SLC9A6: variants seen among roughly 807,000 people sequenced by gnomAD.
The protein encoded by SLC9A6 is solute carrier family 9 member A6, also known as sodium/hydrogen exchanger 6.
SLC9A6 carries 6 observed loss-of-function variants against 45.3 expected under a neutral mutation model. The observed-to-expected ratio is 0.13, with a 90% CI of 0.07 to 0.26. The LOEUF (loss-of-function observed/expected upper bound fraction) is 0.26. Among genes scored for constraint, SLC9A6 ranks in the 10% least tolerant of loss-of-function variants. SLC9A6 has a pLI of 1.00. For missense variants in SLC9A6, 278 were observed against 503.7 expected, an observed-to-expected ratio of 0.55 and a Z score of 4.29; for synonymous variants, 191 against 187.7, an observed-to-expected ratio of 1.02 and a Z score of -0.14.
upstream of SLC9A6, among the ~76,000 whole-genome samples, chrX:135,982,408 G>T (rs1269012470): frequency 9.3e-6 from 1 of 107,813 alleles, no homozygotes; most frequent in African/African-American, 3.4e-5. Flanking sequence ...GGGTTGGGGG[G>T]GGCGGTGATT....
At chrX:135,979,328 C>T (rs1340316979) in intron 1 of SLC9A6, among the ~76,000 whole-genome samples, 2 of 111,282 alleles carry the variant, frequency 1.8e-5, no homozygotes, top group East Asian at 5.6e-4. Context: ...TCTTCTTTGG[C>T]GCTCCCACAG....
intron 7 of SLC9A6, among the ~76,000 whole-genome samples, chrX:136,003,042 G>T (rs2089606024): frequency 9.4e-6 from 1 of 106,882 alleles, no homozygotes; most frequent in Admixed American, 1.0e-4. Flanking sequence ...AGGCTGGAGT[G>T]CAATGGCACG....
chrX:136,006,376 A>G (rs1393082899), intron 7 of SLC9A6, among the ~76,000 whole-genome samples: 1 of 107,647 alleles, frequency 9.3e-6, no homozygotes, highest in Non-Finnish European at 1.9e-5. Context: ...ATAGGTAAAT[A>G]TGTGCCATGG....
chrX:135,989,773 A>T (rs2089400105), intron 2 of SLC9A6, among the ~76,000 whole-genome samples: 1 of 111,895 alleles, frequency 8.9e-6, no homozygotes, highest in Admixed American at 9.4e-5. Flanking sequence ...GGAGAATCAC[A>T]CATTAGTAGG....
chrX:136,026,356 G>T (rs1274214775), intron 13 of SLC9A6, among the ~76,000 whole-genome samples: 4 of 111,673 alleles, frequency 3.6e-5, no homozygotes, highest in Admixed American at 9.6e-5. Flanking sequence ...TAAAGCCTCG[G>T]TTTCCTCATC....
chrX:136,018,425 CT>C (rs1291362922), intron 11 of SLC9A6, among the ~76,000 whole-genome samples: 1 of 112,191 alleles, frequency 8.9e-6, no homozygotes, highest in East Asian at 2.8e-4. Flanking sequence ...AGATAGTTGG[CT>C]CCTTCCAGGT....
At chrX:136,024,237 C>G in intron 12 of SLC9A6, 93 bp from the exon 13 acceptor site, 1 of 941,868 alleles carries the variant, frequency 1.1e-6, no homozygotes, top group South Asian at 2.0e-5. Context: ...TCACATGCTT[C>G]TAAGTTTTTA....
chrX:136,007,290 G>A (rs1015792913), intron 7 of SLC9A6, among the ~76,000 whole-genome samples: 2 of 109,364 alleles, frequency 1.8e-5, no homozygotes, highest in African/African-American at 3.3e-5. Context: ...GTCATCAATG[G>A]GGGGGGGTTC....
chrX:136,021,881 G>A (rs2071132438), intron 11 of SLC9A6, among the ~76,000 whole-genome samples: 1 of 112,119 alleles, frequency 8.9e-6, no homozygotes. Flanking sequence ...GAAATGGGAT[G>A]GAGACTGTAT....
In SLC9A6 at chrX:135,985,515, G is replaced by A. The variant is rs895044278; in HGVS notation, c.-57+38G>A. 3.6e-6 allele frequency: 4 copies of A among 1,113,430 alleles called. No individual in the cohort carries two copies. Among genetic ancestry groups the A allele is most frequent in the Non-Finnish European group, 4.7e-6 (4 of 852,103 alleles). 91.8% of individuals were successfully genotyped at this position (1,113,430 alleles called of 1,213,427 possible). On this transcript the variant is annotated intron_variant, in intron 1 of 17. Transcript: ENST00000630721. ...GGCGGGGGGAGACATGGCTCGGCGC[G>A]GCTGGCGGCGGGCACCCCTCCGCCG...
At chrX:136,036,969 T>C (rs1436569404) in intron 16 of SLC9A6, among the ~76,000 whole-genome samples, 3 of 112,275 alleles carry the variant, frequency 2.7e-5, no homozygotes, top group African/African-American at 9.7e-5. Flanking sequence ...TATTGAAAAA[T>C]ATCATCCTTA....
At chrX:136,042,043 C>T (rs1556622727) in intron 17 of SLC9A6, among the ~76,000 whole-genome samples, 1 of 110,962 alleles carries the variant, frequency 9.0e-6, no homozygotes, top group African/African-American at 3.3e-5. Context: ...TGAATCAGGG[C>T]CTACCTTATT....
At chrX:136,015,645 A>G (rs2071005638) in intron 10 of SLC9A6, among the ~76,000 whole-genome samples, 1 of 112,430 alleles carries the variant, frequency 8.9e-6, no homozygotes, top group Non-Finnish European at 1.9e-5. Context: ...TATAGCTGTT[A>G]TCATTAGTAT....
At chrX:135,999,856 A>G in intron 6 of SLC9A6, among the ~76,000 whole-genome samples, 1 of 111,479 alleles carries the variant, frequency 9.0e-6, no homozygotes, top group East Asian at 2.8e-4. Flanking sequence ...ATCCAGCACA[A>G]TTAAAGGTAG....
At chrX:136,035,319 C>T (rs1187586326) in intron 16 of SLC9A6, among the ~76,000 whole-genome samples, 4 of 112,115 alleles carry the variant, frequency 3.6e-5, no homozygotes, top group African/African-American at 1.3e-4. Flanking sequence ...TACAAAGATA[C>T]AAATGAACAT....
upstream of SLC9A6, among the ~76,000 whole-genome samples, chrX:135,980,719 G>C (rs782250526): frequency 4.5e-5 from 5 of 110,312 alleles, no homozygotes; most frequent in Non-Finnish European, 7.6e-5. Context: ...TCCATACCTG[G>C]CTAATTTTTT....
chrX:136,037,036 A>G (rs1050092986), intron 16 of SLC9A6, among the ~76,000 whole-genome samples: 23 of 112,247 alleles, frequency 2.0e-4, no homozygotes, highest in Non-Finnish European at 3.0e-4. Context: ...ATAAGTGGGG[A>G]TAAGTTTCTG....
At chrX:136,020,593 A>G (rs1868557479) in intron 11 of SLC9A6, among the ~76,000 whole-genome samples, 1 of 110,406 alleles carries the variant, frequency 9.1e-6, no homozygotes, top group South Asian at 3.8e-4. Flanking sequence ...CTGGTCTTGA[A>G]CTCCTGACCT....
chrX:136,013,206 C>T, intron 9 of SLC9A6, 143 bp from the exon 10 acceptor site: 1 of 704,004 alleles, frequency 1.4e-6, no homozygotes, highest in Admixed American at 2.4e-5. Flanking sequence ...AAAAAATTTT[C>T]AGTGGAAGTG....
Sources: allele counts gnomAD v4.1 joint callset (sites outside exome capture counted in the v4.1 genomes callset), GRCh38; gene constraint gnomAD v4.1.1; transcripts MANE v1.5; gene names NCBI Gene and HGNC (gene_info 2026-07-23, HGNC 2026-07-21).